Variants in DIDO1 observed in about 807,000 individuals in gnomAD.
The protein encoded by DIDO1 is death-inducer obliterator 1.
DIDO1 carries 16 observed loss-of-function variants against 99.4 expected under a neutral mutation model. That is an observed-to-expected ratio of 0.16 (90% CI 0.11 to 0.24). The LOEUF is 0.24. DIDO1 is among the 10% of genes least tolerant of loss of function. The probability of loss-of-function intolerance (pLI) is 1.00; values close to 1 mark genes in which losing one functional copy is unlikely to be tolerated. For synonymous variants in DIDO1, 1,366 were observed against 1,239.1 expected (o/e 1.10, Z -2.15); for missense variants, 2,996 against 3,014.0 (o/e 0.99, Z 0.14).
rs1218076694 is a variant in DIDO1 at position 62,888,635 on chromosome 20, C to T, written c.3541+2325G>A. 20 of 985,512 alleles carry T rather than the reference C, an allele frequency of 2.0e-5. No individual in the cohort carries two copies. The African/African-American group carries it at 3.0e-4, about 15-fold the overall frequency. The allele number at this position is 985,512 out of a possible 1,614,324, so 61.0% of individuals were successfully genotyped here. A position where few individuals can be genotyped will look rare whatever the true frequency, so the allele number is the denominator to read the frequency against. On this transcript the variant is annotated intron_variant, in intron 15 of 15. Transcript: ENST00000395343. ...ACAGGGTCCGCTGAGACAGGGGAAACATGCCAGGACCTAGCCTTACACACA... is the reference window on the plus strand; with the variant it reads ...ACAGGGTCCGCTGAGACAGGGGAAATATGCCAGGACCTAGCCTTACACACA...
upstream of DIDO1, chr20:62,926,592 G>A (rs1242275894): frequency 6.6e-6 from 1 of 152,186 alleles, no homozygotes; most frequent in African/African-American, 2.4e-5. Flanking sequence ...CGGAGCCCGG[G>A]CTGCGAAGCC....
At chr20:62,890,058 A>T (rs1004388691) in intron 15 of DIDO1, 1 of 985,528 alleles carries the variant, frequency 1.0e-6, no homozygotes, top group Non-Finnish European at 1.2e-6. Flanking sequence ...GGGTGGGAAC[A>T]CCCTGCACAG....
chr20:62,929,687 G>GAAAAAAAA (rs1387806644), upstream of DIDO1, among the ~76,000 whole-genome samples: 1 of 58,112 alleles, frequency 1.7e-5, no homozygotes, highest in African/African-American at 1.4e-4. Flanking sequence ...CCAGAAAAAA[G>GAAAAAAAA]AAAAAGTGTA....
At chr20:62,917,464 G>A (rs778663961) in intron 1 of DIDO1, among the ~76,000 whole-genome samples, 10 of 152,116 alleles carry the variant, frequency 6.6e-5, no homozygotes, top group Non-Finnish European at 1.2e-4. Flanking sequence ...AACAAATACT[G>A]TTCGTTTTTT....
At chr20:62,903,295 C>T (rs57925016) in intron 6 of DIDO1, among the ~76,000 whole-genome samples, 4,473 of 152,306 alleles carry the variant, frequency 0.029, 82 homozygotes, top group African/African-American at 0.044. Context: ...TGGACAGGAA[C>T]CCCCAGGTCA....
intron 6 of DIDO1, 175 bp downstream of exon 6, chr20:62,905,712 C>CA: frequency 1.2e-6 from 2 of 1,608,570 alleles, no homozygotes; most frequent in Middle Eastern, 1.7e-4. Context: ...TAGGGATGGA[C>CA]ACAGGGCAGC....
chr20:62,929,692 A>AAAATATATATATATATATATATATATAT, upstream of DIDO1, among the ~76,000 whole-genome samples: 2 of 63,708 alleles, frequency 3.1e-5, no homozygotes, highest in South Asian at 5.6e-4. Context: ...AAAAAGAAAA[A>AAAATATATATATATATATATATATATAT]GTGTATATAT....
chr20:62,925,737 A>C (rs772437534), intron 1 of DIDO1, among the ~76,000 whole-genome samples: 2 of 152,202 alleles, frequency 1.3e-5, no homozygotes, highest in Non-Finnish European at 2.9e-5. Context: ...CGCCGAGCGC[A>C]AGAGCGGGCC....
At chr20:62,907,396 T>A in intron 4 of DIDO1, 37 bp from the exon 5 acceptor site, 1 of 1,599,008 alleles carries the variant, frequency 6.3e-7, no homozygotes, top group Non-Finnish European at 8.5e-7. Flanking sequence ...ACAATGTACT[T>A]GCCAATTTTA....
chr20:62,890,222 G>C, intron 15 of DIDO1: 1 of 985,956 alleles, frequency 1.0e-6, no homozygotes, highest in Non-Finnish European at 1.2e-6. Flanking sequence ...TCTGGGGACT[G>C]CATGGCCACG....
rs1490991567 is a variant in DIDO1 at position 62,894,951 on chromosome 20, T to C, written c.2332-37A>G. On this transcript the variant is annotated intron_variant, in intron 9 of 15. Coordinates refer to ENST00000395343, the MANE Select transcript of DIDO1 (RefSeq NM_001193369.2). The surrounding 1 kb of genome is among the most constrained non-coding windows in gnomAD (Gnocchi z 4.4). ...AAGACGAAACAGAGCTTAGGCCTTG[T>C]TTTCTAGGAGGAAAGCATCGCTTAT... 6.2e-7 allele frequency: 1 copy of C among 1,605,424 alleles called. No individual in the cohort carries two copies. The highest frequency in any genetic ancestry group is 1.1e-5 in the South Asian group (1 of 90,448).
chr20:62,902,049 A>C (rs2064694643), intron 6 of DIDO1, among the ~76,000 whole-genome samples: 1 of 151,838 alleles, frequency 6.6e-6, no homozygotes, highest in African/African-American at 2.4e-5. Context: ...ATTCAGGGGG[A>C]CCGATCCTGC....
intron 6 of DIDO1, 112 bp from the exon 7 acceptor site, chr20:62,897,108 G>A (rs548253878): frequency 8.5e-5 from 81 of 950,324 alleles, no homozygotes; most frequent in Non-Finnish European, 1.2e-4. Context: ...TGGCATTACT[G>A]AATAGGATAC....
At position 62,911,922 on chromosome 20, in the gene DIDO1, A is replaced by C. The variant is rs1167973810; in HGVS notation, c.-2-308T>G. 6.6e-6 allele frequency among the ~76,000 whole-genome samples: 1 copy of C among 152,232 alleles called. No individual in the cohort carries two copies. The highest frequency in any genetic ancestry group is 1.5e-5 in the Non-Finnish European group (1 of 68,040). On this transcript the variant is annotated intron_variant, in intron 2 of 15. Coordinates refer to ENST00000395343, the MANE Select transcript of DIDO1 (RefSeq NM_001193369.2). This position sits in a 1 kb window ranked among gnomAD's most constrained non-coding sequence, Gnocchi z 7.0. Reference sequence around the variant, plus strand: ...AAGCCAGACAGTAGGGACAAATAGGAAATATTGGACAGTATAGCAGGGTAA... The same window carrying C: ...AAGCCAGACAGTAGGGACAAATAGGCAATATTGGACAGTATAGCAGGGTAA...
At chr20:62,924,714 T>C (rs928973100) in intron 1 of DIDO1, among the ~76,000 whole-genome samples, 42 of 152,264 alleles carry the variant, frequency 2.8e-4, no homozygotes, top group Admixed American at 5.9e-4. Context: ...GGCTCACATA[T>C]GCACATGCAA....
At chr20:62,904,277 C>T (rs1419866420) in intron 6 of DIDO1, among the ~76,000 whole-genome samples, 3 of 152,122 alleles carry the variant, frequency 2.0e-5, no homozygotes, top group African/African-American at 4.8e-5. Context: ...ACTGCTCTAT[C>T]GTAGAGGTGC....
intron 15 of DIDO1, 138 bp downstream of exon 15, chr20:62,890,822 T>C (rs1306902131): frequency 6.5e-7 from 1 of 1,539,712 alleles, no homozygotes; most frequent in Non-Finnish European, 8.7e-7. Context: ...TGAATCCTAT[T>C]GCTAACCGCT....
intron 15 of DIDO1, chr20:62,887,686 G>GC: frequency 1.0e-6 from 1 of 985,298 alleles, no homozygotes; most frequent in African/African-American, 1.7e-5. Context: ...TCCTGTAAGG[G>GC]CCCTGCACAG....
At chr20:62,895,841 A>G (rs2064507561) in intron 8 of DIDO1, among the ~76,000 whole-genome samples, 1 of 152,232 alleles carries the variant, frequency 6.6e-6, no homozygotes, top group Admixed American at 6.5e-5. Context: ...GATGAGGAAT[A>G]TGAGAAAATA....
Sources: allele counts gnomAD v4.1 joint callset (sites outside exome capture counted in the v4.1 genomes callset), GRCh38; gene constraint gnomAD v4.1.1; non-coding constraint Gnocchi (gnomAD v3.1); transcripts MANE v1.5; gene names NCBI Gene and HGNC (gene_info 2026-07-23, HGNC 2026-07-21).